The following PIP5K1C variants were observed in gnomAD, a reference collection of about 807,000 sequenced individuals.
PIP5K1C encodes the protein phosphatidylinositol 4-phosphate 5-kinase type-1 gamma.
A neutral mutation model predicts 80.1 loss-of-function variants in PIP5K1C; 45 were observed. The observed-to-expected ratio is 0.56, with a 90% confidence interval of 0.44 to 0.72. The LOEUF (loss-of-function observed/expected upper bound fraction) is 0.72, where lower values mean the gene tolerates loss of function less well. Among genes scored for constraint, PIP5K1C ranks in the 30% least tolerant of loss-of-function variants. PIP5K1C has a pLI of 0.00. For missense variants in PIP5K1C, 753 were observed against 954.6 expected, an observed-to-expected ratio of 0.79 and a Z score of 2.78; for synonymous variants, 498 against 420.1, an observed-to-expected ratio of 1.19 and a Z score of -2.27.
intron 7 of PIP5K1C, among the ~76,000 whole-genome samples, chr19:3,652,442 T>C (rs980450078): frequency 2.0e-5 from 3 of 152,222 alleles, no homozygotes; most frequent in African/African-American, 4.8e-5. Context: ...CCCTGAGTGG[T>C]CTGGGCGGTT....
chr19:3,672,744 C>G (rs1600050281), intron 1 of PIP5K1C: 1 of 152,496 alleles, frequency 6.6e-6, no homozygotes, highest in South Asian at 2.1e-4. Flanking sequence ...GAGGCAAGCT[C>G]GAGGGTGGGT....
In PIP5K1C at chr19:3,638,947, C is replaced by T. The variant is rs1005305262; in HGVS notation, c.1857G>A (p.Glu619=). The T allele has an allele frequency of 3.7e-6, 6 of 1,612,374 alleles. No homozygotes were observed. The East Asian group carries it at 6.7e-5, about 18-fold the overall frequency. ...AGGCCTGGCTGGCAGGTGCGCCCTC[C>T]TCGTCTGAGGCCTGGCTGGCAGTTT... ...EVETASQASD[E]EGAPASQASD... The change falls in exon 16 of 18, where the codon GAG becomes GAA. Residue 619 remains glutamate, a synonymous_variant. Transcript: ENST00000335312.
intron 1 of PIP5K1C, among the ~76,000 whole-genome samples, chr19:3,675,940 C>G (rs1054409579): frequency 2.6e-5 from 4 of 152,218 alleles, no homozygotes; most frequent in Admixed American, 2.6e-4. Context: ...TCAGTAGCCC[C>G]TGAGGTTAAA....
chr19:3,674,909 A>C (rs939426333), intron 1 of PIP5K1C, among the ~76,000 whole-genome samples: 3 of 152,234 alleles, frequency 2.0e-5, no homozygotes, highest in African/African-American at 7.2e-5. Context: ...TGGATTATTC[A>C]GCCATGAAAA....
At chr19:3,642,194 G>T (rs1366116899) in intron 14 of PIP5K1C, among the ~76,000 whole-genome samples, 1 of 152,226 alleles carries the variant, frequency 6.6e-6, no homozygotes, top group Non-Finnish European at 1.5e-5. Context: ...ACGCTAGACT[G>T]CAGGGAGGGT....
intron 3 of PIP5K1C, among the ~76,000 whole-genome samples, chr19:3,663,203 A>G (rs1254129852): frequency 6.8e-6 from 1 of 147,856 alleles, no homozygotes; most frequent in Non-Finnish European, 1.5e-5. Flanking sequence ...CGTTTGCATT[A>G]TTCTCACTGT....
chr19:3,699,128 G>A (rs1010257904), intron 1 of PIP5K1C, among the ~76,000 whole-genome samples: 1 of 152,104 alleles, frequency 6.6e-6, no homozygotes, highest in Admixed American at 6.5e-5. Context: ...GACAGCGGAA[G>A]TTGGGGGGCC....
rs1402339240 is a variant in PIP5K1C at position 3,696,998 on chromosome 19, G to C, written c.94+3299C>G. On this transcript the variant is annotated intron_variant, in intron 1 of 17. Transcript: ENST00000335312. The surrounding 1 kb of genome is among the most constrained non-coding windows in gnomAD (Gnocchi z 4.1). Reference sequence around the variant, plus strand: ...ACCGAGGAGGACTGAGCTGGACGGAGGAGGATCGAGCTGGACCGAGGAGGA... The same window carrying C: ...ACCGAGGAGGACTGAGCTGGACGGACGAGGATCGAGCTGGACCGAGGAGGA... Among the ~76,000 whole-genome samples, 2 of 152,124 alleles carry C rather than the reference G, an allele frequency of 1.3e-5. No individual in the cohort carries two copies. Among genetic ancestry groups the C allele is most frequent in the Non-Finnish European group, 2.9e-5 (2 of 68,014 alleles).
intron 1 of PIP5K1C, among the ~76,000 whole-genome samples, chr19:3,699,379 G>C (rs1030019210): frequency 6.7e-6 from 1 of 150,172 alleles, no homozygotes; most frequent in Non-Finnish European, 1.5e-5. Flanking sequence ...TCTCTCTCCA[G>C]ACATCTCCCC....
Position 3,657,080 on chromosome 19 carries a change from G to A in PIP5K1C, c.469-523C>T, listed in dbSNP as rs116954714. On this transcript the variant is annotated intron_variant, in intron 5 of 17. Coordinates refer to ENST00000335312, the MANE Select transcript of PIP5K1C (RefSeq NM_012398.3). ...CCTCAGCAGCCACACTGGACTAGAA[G>A]GTAAGCTCTGGGATGGAAGCTGCAT... Among the ~76,000 whole-genome samples the A allele has an allele frequency of 3.7e-3, 557 of 152,302 alleles. 3 individuals carry two copies. The highest frequency in any genetic ancestry group is 5.6e-3 in the Non-Finnish European group (382 of 68,022).
chr19:3,687,499 G>GCACACATGCACACACA (rs534300467), intron 1 of PIP5K1C, among the ~76,000 whole-genome samples: 6 of 151,026 alleles, frequency 4.0e-5, no homozygotes, highest in African/African-American at 1.5e-4. Context: ...GCACATACAC[G>GCACACATGCACACACA]CACACATGCA....
rs749579794 is a variant in PIP5K1C, at chr19:3,667,297, C to A, written c.126+25G>T. The A allele has an allele frequency of 3.1e-6, 5 of 1,609,488 alleles. No homozygotes were observed. The African/African-American group carries it at 6.7e-5, about 21-fold the overall frequency. The stretch of plus-strand genomic sequence containing the variant: ...AGCAGGTCAGGGTGGGGACCCCAGG[C>A]CCTTCGTCCGCTCCAGACACTCACC... On this transcript the variant is annotated intron_variant, in intron 2 of 17. Coordinates refer to ENST00000335312, the MANE Select transcript of PIP5K1C (RefSeq NM_012398.3).
chr19:3,697,393 G>A (rs907677373), intron 1 of PIP5K1C, among the ~76,000 whole-genome samples: 1 of 149,644 alleles, frequency 6.7e-6, no homozygotes, highest in African/African-American at 2.5e-5. Context: ...GAGGAGGACT[G>A]AGCTGGACCG....
Position 3,643,160 on chromosome 19 carries a change from A to T in PIP5K1C, c.1649+83T>A, listed in dbSNP as rs1437079691. On this transcript the variant is annotated intron_variant, in intron 13 of 17. Transcript: ENST00000335312. ...GATGCTCCACCCACATGCACAGCGGATGCCCCGCCCACATGCAGTGAATGC... is the reference window on the plus strand; with the variant it reads ...GATGCTCCACCCACATGCACAGCGGTTGCCCCGCCCACATGCAGTGAATGC... 1.9e-6 allele frequency: 3 copies of T among 1,594,132 alleles called. No homozygotes were observed. The African/African-American group carries it at 4.0e-5, about 21-fold the overall frequency.
chr19:3,677,452 C>A (rs2035394674), intron 1 of PIP5K1C, among the ~76,000 whole-genome samples: 1 of 151,386 alleles, frequency 6.6e-6, no homozygotes, highest in Admixed American at 6.6e-5. Context: ...GTGTGGTGGC[C>A]AGTGCCTGTA....
At chr19:3,667,789 G>A (rs1249636680) in intron 1 of PIP5K1C, among the ~76,000 whole-genome samples, 1 of 152,224 alleles carries the variant, frequency 6.6e-6, no homozygotes, top group African/African-American at 2.4e-5. Flanking sequence ...GGTCTGAACT[G>A]ACCAAGCCCC....
At chr19:3,662,235 G>A (rs1462353979) in intron 3 of PIP5K1C, among the ~76,000 whole-genome samples, 1 of 152,224 alleles carries the variant, frequency 6.6e-6, no homozygotes. Flanking sequence ...GGGCTCGGCT[G>A]CAACTGCCGC....
Position 3,692,166 on chromosome 19 carries a change from T to C in PIP5K1C, c.94+8131A>G, listed in dbSNP as rs1484209872. Among the ~76,000 whole-genome samples, 2 of 152,196 alleles carry C rather than the reference T, an allele frequency of 1.3e-5. No homozygotes were observed. The highest frequency in any genetic ancestry group is 4.8e-5 in the African/African-American group (2 of 41,434). ...CATCTAATCCTCAAGGGACATTGCT[T>C]TCCAAATGAGGAAACTGAGGCACGG... On this transcript the variant is annotated intron_variant, in intron 1 of 17. Coordinates refer to ENST00000335312, the MANE Select transcript of PIP5K1C (RefSeq NM_012398.3). This position sits in a 1 kb window ranked among gnomAD's most constrained non-coding sequence, Gnocchi z 5.2.
intron 1 of PIP5K1C, among the ~76,000 whole-genome samples, chr19:3,668,694 G>A (rs955633780): frequency 2.0e-5 from 3 of 152,202 alleles, no homozygotes; most frequent in South Asian, 2.1e-4. Flanking sequence ...ACCTGGTCTC[G>A]CCCTCAAGGG....
Sources: allele counts gnomAD v4.1 joint callset (sites outside exome capture counted in the v4.1 genomes callset), GRCh38; gene constraint gnomAD v4.1.1; non-coding constraint Gnocchi (gnomAD v3.1); transcripts MANE v1.5; gene names NCBI Gene and HGNC (gene_info 2026-07-23, HGNC 2026-07-21).